NRG2: variants seen among roughly 807,000 people sequenced by gnomAD.
The protein encoded by NRG2 is pro-neuregulin-2, membrane-bound isoform.
Under a neutral mutation model 73.9 loss-of-function variants are expected in NRG2, and 27 were observed. The ratio of observed to expected loss-of-function variants is 0.37; its 90% CI spans 0.27 to 0.50. The LOEUF (loss-of-function observed/expected upper bound fraction) is 0.50. Ranked by LOEUF, NRG2 falls within the 20% of genes least tolerant of loss-of-function variation. NRG2 has a pLI of 0.96. For synonymous variants in NRG2, 532 were observed against 541.0 expected, an observed-to-expected ratio of 0.98 and a Z score of 0.23; for missense variants, 1,126 against 1,210.1, an observed-to-expected ratio of 0.93 and a Z score of 1.03.
intron 1 of NRG2, among the ~76,000 whole-genome samples, chr5:139,911,154 T>G (rs1308282570): frequency 1.3e-5 from 2 of 151,468 alleles, no homozygotes; most frequent in African/African-American, 4.9e-5. Context: ...AACAATGGGG[T>G]GGGGGGACAG....
chr5:139,891,298 G>A (rs1764199005), intron 1 of NRG2, among the ~76,000 whole-genome samples: 1 of 152,206 alleles, frequency 6.6e-6, no homozygotes, highest in Admixed American at 6.5e-5. Flanking sequence ...GAAACAGTAG[G>A]CATGGCCCTA....
intron 1 of NRG2, among the ~76,000 whole-genome samples, chr5:139,949,177 T>C (rs9686733): frequency 0.15 from 23,265 of 151,982 alleles, 1,979 homozygotes; most frequent in South Asian, 0.25. Context: ...ATTAAGGAGG[T>C]TTGAGGAGCC....
chr5:139,916,183 G>A (rs1484772533), intron 1 of NRG2, among the ~76,000 whole-genome samples: 2 of 152,146 alleles, frequency 1.3e-5, no homozygotes, highest in East Asian at 1.9e-4. Context: ...TGCAAGTACC[G>A]ATCCCACGAA....
At chr5:139,908,875 G>C (rs1765415427) in intron 1 of NRG2, among the ~76,000 whole-genome samples, 1 of 152,228 alleles carries the variant, frequency 6.6e-6, no homozygotes, top group African/African-American at 2.4e-5. Context: ...CCAGTTTCCA[G>C]AGCAAAGGTT....
chr5:140,024,478 A>C (rs2126675661), intron 1 of NRG2, among the ~76,000 whole-genome samples: 1 of 152,216 alleles, frequency 6.6e-6, no homozygotes, highest in Admixed American at 6.5e-5. Context: ...GATGGTCTCG[A>C]TCTCCTGACC....
At chr5:139,905,813 GC>G (rs1765189122) in intron 1 of NRG2, among the ~76,000 whole-genome samples, 1 of 152,216 alleles carries the variant, frequency 6.6e-6, no homozygotes, top group Admixed American at 6.5e-5. Flanking sequence ...CAGAACCAGA[GC>G]CAGGGGCCAG....
intron 1 of NRG2, among the ~76,000 whole-genome samples, chr5:139,948,318 C>T (rs540466818): frequency 2.3e-4 from 35 of 152,352 alleles, no homozygotes; most frequent in African/African-American, 8.2e-4. Context: ...CATATCCAAC[C>T]TCTTGGCTCC....
intron 1 of NRG2, among the ~76,000 whole-genome samples, chr5:139,985,483 C>T (rs187009174): frequency 6.6e-6 from 1 of 152,254 alleles, no homozygotes; most frequent in East Asian, 1.9e-4. Flanking sequence ...CTGCCCCTCC[C>T]GAAACAGGAA....
At chr5:139,907,886 G>A (rs1022512623) in intron 1 of NRG2, among the ~76,000 whole-genome samples, 1 of 152,244 alleles carries the variant, frequency 6.6e-6, no homozygotes, top group Non-Finnish European at 1.5e-5. Flanking sequence ...AACTATGGGA[G>A]CTGCAAATAC....
Position 139,868,434 on chromosome 5 carries a change from C to T in NRG2, c.1113-2809G>A, listed in dbSNP as rs1762628943. Among the ~76,000 whole-genome samples, 1 of 152,038 alleles carries T rather than the reference C, an allele frequency of 6.6e-6. No individual in the cohort carries two copies. The highest frequency in any genetic ancestry group is 1.5e-5 in the Non-Finnish European group (1 of 67,996). Reference sequence around the variant, plus strand: ...GGTTTCCACTGAAACTGGGATTGACCCTCTGATTTTCAGGGGGCACAGAGG... The same window carrying T: ...GGTTTCCACTGAAACTGGGATTGACTCTCTGATTTTCAGGGGGCACAGAGG... On this transcript the variant is annotated intron_variant, in intron 4 of 9. Coordinates refer to ENST00000361474, the MANE Select transcript of NRG2 (RefSeq NM_004883.3). The surrounding 1 kb of genome is among the most constrained non-coding windows in gnomAD (Gnocchi z 4.2).
chr5:139,929,135 G>A (rs35834774), intron 1 of NRG2, among the ~76,000 whole-genome samples: 23,114 of 152,110 alleles, frequency 0.15, 1,954 homozygotes, highest in South Asian at 0.25. Context: ...AGAGTGTCCA[G>A]CCCCATGGCC....
At chr5:139,975,376 G>C (rs749769623) in intron 1 of NRG2, among the ~76,000 whole-genome samples, 2 of 152,172 alleles carry the variant, frequency 1.3e-5, no homozygotes, top group Non-Finnish European at 2.9e-5. Flanking sequence ...AACCGGCCCC[G>C]CAGTGTGGCC....
intron 1 of NRG2, among the ~76,000 whole-genome samples, chr5:140,009,620 A>C (rs1759193615): frequency 6.6e-6 from 1 of 152,192 alleles, no homozygotes; most frequent in Non-Finnish European, 1.5e-5. Context: ...TCCCACCAAC[A>C]ATGAATGAGA....
intron 1 of NRG2, among the ~76,000 whole-genome samples, chr5:140,035,668 A>G (rs1761452351): frequency 6.6e-6 from 1 of 152,176 alleles, no homozygotes. Context: ...CTCTCATTCA[A>G]TTCTGAGGAA....
rs778231422 is a variant in NRG2, at chr5:139,848,684, G to A, written c.1786C>T (p.Leu596=). Residue 596 remains leucine (L), a synonymous_variant, in exon 10 of 10, where the codon CTG becomes TTG. Transcript: ENST00000361474. ...SPHSERYVSA[L]TTPARLSPVD... ...GGCGAGAGGCGCGCGGGCGTGGTCAGGGCCGACACGTACCTGCGGGGAGAG... is the reference window on the plus strand; with the variant it reads ...GGCGAGAGGCGCGCGGGCGTGGTCAAGGCCGACACGTACCTGCGGGGAGAG... The A allele has an allele frequency of 3.3e-6, 5 of 1,532,568 alleles. No homozygotes were observed. The highest frequency in any genetic ancestry group is 4.4e-6 in the Non-Finnish European group (5 of 1,146,682). 94.9% of individuals were successfully genotyped at this position (1,532,568 alleles called of 1,614,324 possible).
At chr5:139,952,863 G>A (rs1561704403) in intron 1 of NRG2, among the ~76,000 whole-genome samples, 1 of 152,298 alleles carries the variant, frequency 6.6e-6, no homozygotes, top group East Asian at 1.9e-4. Context: ...TCAGAGGGAG[G>A]CAACATCTGG....
At chr5:139,996,793 C>T (rs1758046646) in intron 1 of NRG2, among the ~76,000 whole-genome samples, 1 of 152,098 alleles carries the variant, frequency 6.6e-6, no homozygotes, top group African/African-American at 2.4e-5. Flanking sequence ...AAAATGATGG[C>T]ACATGTAATT....
At chr5:140,027,750 G>A (rs1760813497) in intron 1 of NRG2, among the ~76,000 whole-genome samples, 1 of 152,168 alleles carries the variant, frequency 6.6e-6, no homozygotes, top group African/African-American at 2.4e-5. Context: ...ATCCACTGGG[G>A]GTGGAACATA....
intron 5 of NRG2, chr5:139,859,847 G>A (rs1327057729): frequency 6.2e-7 from 1 of 1,603,148 alleles, no homozygotes; most frequent in South Asian, 1.1e-5. Flanking sequence ...TGTGGAGAGG[G>A]GCCACGCAGA....
Sources: gnomAD v4.1 joint callset for allele counts (sites outside exome capture counted in the v4.1 genomes callset) on GRCh38, gnomAD v4.1.1 for gene constraint, Gnocchi (gnomAD v3.1) non-coding constraint, MANE v1.5 for transcripts, NCBI Gene and HGNC (gene_info 2026-07-23, HGNC 2026-07-21) for gene names.